The following IFT88 variants were observed in gnomAD, a reference collection of about 807,000 sequenced individuals.
IFT88 encodes intraflagellar transport 88, also known as intraflagellar transport protein 88 homolog.
A neutral mutation model predicts 119.5 loss-of-function variants in IFT88; 74 were observed. That is an observed-to-expected ratio of 0.62 (90% CI 0.51 to 0.75). The LOEUF (loss-of-function observed/expected upper bound fraction) is 0.75, where lower values mean the gene tolerates loss of function less well. IFT88 is among the 30% of genes least tolerant of loss of function. The pLI is 0.00. For missense variants in IFT88, 961 were observed against 977.7 expected, an observed-to-expected ratio of 0.98 and a Z score of 0.23; for synonymous variants, 279 against 316.7, an observed-to-expected ratio of 0.88 and a Z score of 1.26.
intron 1 of IFT88, among the ~76,000 whole-genome samples, chr13:20,568,785 A>G (rs2035534165): frequency 6.6e-6 from 1 of 152,026 alleles, no homozygotes; most frequent in African/African-American, 2.4e-5. Flanking sequence ...AGTGGCGGCA[A>G]TCTCGGTTTA....
intron 17 of IFT88, 98 bp downstream of exon 17, chr13:20,638,616 A>C: frequency 1.5e-6 from 1 of 687,330 alleles, no homozygotes; most frequent in Non-Finnish European, 2.1e-6. Flanking sequence ...CATTAGGAGG[A>C]GGAGTTGACT....
chr13:20,588,477 A>C (rs1265153118), intron 3 of IFT88, among the ~76,000 whole-genome samples: 2 of 152,294 alleles, frequency 1.3e-5, no homozygotes, highest in East Asian at 3.9e-4. Context: ...ATTGAGAGAC[A>C]TTATAAATGA....
intron 1 of IFT88, among the ~76,000 whole-genome samples, chr13:20,574,033 A>G (rs968688464): frequency 5.9e-5 from 9 of 152,232 alleles, no homozygotes; most frequent in African/African-American, 2.2e-4. Context: ...ATTGGAATTA[A>G]GAATTATTTC....
chr13:20,567,938 C>T, intron 1 of IFT88: 2 of 698,290 alleles, frequency 2.9e-6, no homozygotes, highest in East Asian at 5.4e-5. Context: ...CTTTGGCTTC[C>T]CTGGGCCACA....
chr13:20,659,938 G>A (rs185679300), intron 22 of IFT88, among the ~76,000 whole-genome samples: 81 of 152,140 alleles, frequency 5.3e-4, no homozygotes, highest in African/African-American at 1.8e-3. Context: ...CACCGCGCCT[G>A]GTCTACTTTA....
intron 2 of IFT88, among the ~76,000 whole-genome samples, chr13:20,579,350 C>T (rs2038084346): frequency 6.6e-6 from 1 of 152,126 alleles, no homozygotes; most frequent in South Asian, 2.1e-4. Context: ...GCTGAGCTGG[C>T]ACTGAACCGT....
chr13:20,663,578 GA>G lies in IFT88; in HGVS notation c.2155del (p.Met719Ter). 6.2e-7 allele frequency: 1 copy of G among 1,613,272 alleles called. No homozygotes were observed. Among genetic ancestry groups the G allele is most frequent in the Non-Finnish European group, 8.5e-7 (1 of 1,179,554 alleles). ...ATATGCCAGAAAACTGAAGAGGTTG[GA>G]AAAAATGAAAGAAATAAGGGAACAG... is the stretch of plus-strand genomic sequence containing the variant. ...QEYARKLKRL[E>X]KMKEIREQRI... On this transcript the variant is annotated frameshift_variant, in exon 23 of 26. Transcript: ENST00000351808. LOFTEE classifies it high-confidence loss of function.
intron 13 of IFT88, among the ~76,000 whole-genome samples, chr13:20,614,729 C>T (rs1400880823): frequency 6.6e-6 from 1 of 151,772 alleles, no homozygotes; most frequent in Non-Finnish European, 1.5e-5. Context: ...TTTACAAATG[C>T]ATGTGAATCT....
intron 23 of IFT88, among the ~76,000 whole-genome samples, chr13:20,669,583 C>T (rs1187488049): frequency 1.3e-5 from 2 of 151,964 alleles, no homozygotes; most frequent in South Asian, 2.1e-4. Flanking sequence ...GCCACCACAC[C>T]CGGCTAATTT....
intron 3 of IFT88, among the ~76,000 whole-genome samples, chr13:20,587,028 A>G (rs1213451785): frequency 6.6e-6 from 1 of 152,076 alleles, no homozygotes; most frequent in African/African-American, 2.4e-5. Context: ...TCCAAACAAT[A>G]CATTTTTCTA....
At chr13:20,587,679 T>C (rs1387734490) in intron 3 of IFT88, among the ~76,000 whole-genome samples, 1 of 152,220 alleles carries the variant, frequency 6.6e-6, no homozygotes, top group African/African-American at 2.4e-5. Flanking sequence ...TGCTATATTT[T>C]CATAGTAAAC....
intron 3 of IFT88, among the ~76,000 whole-genome samples, chr13:20,586,813 A>G (rs750549946): frequency 1.3e-5 from 2 of 152,192 alleles, no homozygotes; most frequent in African/African-American, 2.4e-5. Context: ...ATACCTTCCA[A>G]TGTCTAAAGT....
At chr13:20,667,339 G>T (rs991144679) in intron 23 of IFT88, among the ~76,000 whole-genome samples, 1 of 152,252 alleles carries the variant, frequency 6.6e-6, no homozygotes, top group Middle Eastern at 3.4e-3. Flanking sequence ...TGTTTACTGT[G>T]CTCCTAAAAT....
intron 13 of IFT88, among the ~76,000 whole-genome samples, chr13:20,614,641 A>G (rs936736935): frequency 1.3e-5 from 2 of 152,164 alleles, no homozygotes; most frequent in African/African-American, 4.8e-5. Context: ...GTTATCAATG[A>G]CAGTAATCTG....
chr13:20,677,637 T>G (rs765027875), intron 24 of IFT88, among the ~76,000 whole-genome samples: 4 of 152,236 alleles, frequency 2.6e-5, no homozygotes, highest in Non-Finnish European at 5.9e-5. Flanking sequence ...AGTTATTGTC[T>G]GATGCTCTTC....
rs1455962189 is a variant in IFT88 at position 20,691,039 on chromosome 13, C to G, written c.2354-15C>G. The G allele has an allele frequency of 1.2e-6, 2 of 1,609,858 alleles. No individual in the cohort carries two copies. The highest frequency in any genetic ancestry group is 2.2e-5 in the East Asian group (1 of 44,852). The stretch of plus-strand genomic sequence containing the variant: ...GTTTACATAACTCTAACGTGACAAT[C>G]TCTTCGAAACCTAGATGCCTCCTAT... On this transcript the variant is annotated splice_polypyrimidine_tract_variant and intron_variant, in intron 25 of 25. Coordinates refer to ENST00000351808, the MANE Select transcript of IFT88 (RefSeq NM_006531.5).
At chr13:20,676,282 C>G (rs897179917) in intron 24 of IFT88, among the ~76,000 whole-genome samples, 2 of 152,178 alleles carry the variant, frequency 1.3e-5, no homozygotes, top group Non-Finnish European at 2.9e-5. Flanking sequence ...ACTTAAATCT[C>G]TTTGTCACAG....
chr13:20,683,641 A>T (rs2057568527), intron 24 of IFT88, among the ~76,000 whole-genome samples: 1 of 152,184 alleles, frequency 6.6e-6, no homozygotes, highest in Non-Finnish European at 1.5e-5. Flanking sequence ...TAGAGAAATG[A>T]TGGAAATGTC....
intron 22 of IFT88, among the ~76,000 whole-genome samples, chr13:20,660,964 G>A (rs2053683750): frequency 6.6e-6 from 1 of 151,820 alleles, no homozygotes; most frequent in Admixed American, 6.6e-5. Context: ...TAATACTTTT[G>A]AAAAAATGGA....
Sources: gnomAD v4.1 joint callset for allele counts (sites outside exome capture counted in the v4.1 genomes callset) on GRCh38, gnomAD v4.1.1 for gene constraint, MANE v1.5 for transcripts, NCBI Gene and HGNC (gene_info 2026-07-23, HGNC 2026-07-21) for gene names.